CEP128: variants seen among roughly 807,000 people sequenced by gnomAD.
The protein encoded by CEP128 is centrosomal protein 128kDa.
Under a neutral mutation model 156.7 loss-of-function variants are expected in CEP128, and 132 were observed. That is an observed-to-expected ratio of 0.84 (90% confidence interval 0.73 to 0.97). The LOEUF is 0.97. Among genes scored for constraint, CEP128 ranks in the 50% least tolerant of loss-of-function variants. The pLI, the probability that CEP128 is intolerant of heterozygous loss-of-function variation, is 0.00. For missense variants in CEP128, 1,252 were observed against 1,281.9 expected, an observed-to-expected ratio of 0.98 and a Z score of 0.36; for synonymous variants, 469 against 448.9, an observed-to-expected ratio of 1.04 and a Z score of -0.57.
At position 80,784,973 on chromosome 14, in the gene CEP128, G is replaced by A. The variant is rs371329400; in HGVS notation, c.2133C>T (p.His711=). The change falls in exon 15 of 25, where the codon CAC becomes CAT. Residue 711 remains histidine (H), a synonymous_variant. Transcript: ENST00000555265. ...TCATAAGCTCCTGGATATTCTGTTC[G>A]TGTTTTGTTTTCACACTCTGCAATG... ...TSSLQSVKTK[H]EQNIQELMKH... is the part of the protein sequence containing the mutation. The A allele has an allele frequency of 3.7e-5, 60 of 1,614,014 alleles. No individual in the cohort carries two copies. Among genetic ancestry groups the A allele is most frequent in the African/African-American group, 5.3e-5 (4 of 75,030 alleles).
chr14:80,646,759 T>C (rs1894650792), intron 19 of CEP128, among the ~76,000 whole-genome samples: 1 of 151,594 alleles, frequency 6.6e-6, no homozygotes, highest in African/African-American at 2.4e-5. Context: ...CATGAATGTA[T>C]TCAACAAACT....
intron 4 of CEP128, among the ~76,000 whole-genome samples, chr14:80,913,975 T>C (rs1738809620): frequency 1.3e-5 from 2 of 152,202 alleles, no homozygotes; most frequent in Admixed American, 6.5e-5. Context: ...ATTTTTTGTT[T>C]TAACAATAAA....
At chr14:80,540,458 G>A (rs190415227) in intron 21 of CEP128, among the ~76,000 whole-genome samples, 168 of 152,308 alleles carry the variant, frequency 1.1e-3, no homozygotes, top group African/African-American at 3.9e-3. Flanking sequence ...GGCACTTTGC[G>A]GGAATGAATA....
rs1467212374 is a variant in CEP128, at chr14:80,862,787, T to C, written c.732A>G (p.Gln244=). The C allele has an allele frequency of 2.5e-6, 4 of 1,613,800 alleles. No individual in the cohort carries two copies. Among genetic ancestry groups the C allele is most frequent in the African/African-American group, 1.3e-5 (1 of 75,052 alleles). The change falls in exon 9 of 25, where the codon CAA becomes CAG. Residue 244 remains glutamine, a synonymous_variant. Coordinates refer to ENST00000555265, the MANE Select transcript of CEP128 (RefSeq NM_152446.5). ...ERELVERRQD[Q]LGLMSLQLQE... is the part of the protein sequence containing the mutation. ...GTAGCTGCAGGGACATGAGTCCCAG[T>C]TGATCCTGGCGTCTTTCCACCAGCT...
intron 2 of CEP128, among the ~76,000 whole-genome samples, chr14:80,919,265 G>A (rs137917993): frequency 8.9e-4 from 136 of 152,118 alleles, no homozygotes; most frequent in African/African-American, 2.9e-3. Flanking sequence ...CTTCTAATAC[G>A]TAGACAATTT....
At chr14:80,701,929 A>G (rs1185189996) in intron 19 of CEP128, among the ~76,000 whole-genome samples, 2 of 152,102 alleles carry the variant, frequency 1.3e-5, no homozygotes, top group Non-Finnish European at 2.9e-5. Flanking sequence ...CTCTTCTCCA[A>G]GATGTGCACA....
intron 17 of CEP128, among the ~76,000 whole-genome samples, chr14:80,760,322 C>T (rs1314470845): frequency 2.0e-5 from 3 of 151,870 alleles, no homozygotes; most frequent in Non-Finnish European, 4.4e-5. Flanking sequence ...ATCAACTCTA[C>T]CAAATTCTAT....
chr14:80,780,485 C>T (rs887017970), intron 15 of CEP128, among the ~76,000 whole-genome samples: 1 of 152,018 alleles, frequency 6.6e-6, no homozygotes, highest in South Asian at 2.1e-4. Flanking sequence ...AACTTCAATA[C>T]CACATTAGGG....
intron 19 of CEP128, among the ~76,000 whole-genome samples, chr14:80,638,728 C>T (rs1190052456): frequency 6.6e-6 from 1 of 152,140 alleles, no homozygotes; most frequent in African/African-American, 2.4e-5. Flanking sequence ...TTGGGTGAAT[C>T]ACTGAATATA....
At chr14:80,856,013 ACTT>A (rs1463057539) in intron 9 of CEP128, among the ~76,000 whole-genome samples, 5 of 152,172 alleles carry the variant, frequency 3.3e-5, no homozygotes, top group Admixed American at 2.6e-4. Flanking sequence ...ATGAATAGCT[ACTT>A]CTTCATTAGG....
intron 19 of CEP128, among the ~76,000 whole-genome samples, chr14:80,674,664 T>G (rs983385696): frequency 1.3e-5 from 2 of 151,790 alleles, no homozygotes; most frequent in Non-Finnish European, 2.9e-5. Context: ...TATATATGTA[T>G]GTATAACAGT....
chr14:80,514,996 C>T lies in CEP128; in HGVS notation c.3073-9976G>A, dbSNP rs1395242730. 4.6e-5 allele frequency among the ~76,000 whole-genome samples: 7 copies of T among 152,188 alleles called. No homozygotes were observed. The East Asian group carries it at 5.8e-4, about 13-fold the overall frequency. On this transcript the variant is annotated intron_variant, in intron 23 of 24. Transcript: ENST00000555265. Reference sequence around the variant, plus strand: ...GTCTTGCAGACTCATAGAGGTATTGCGTGGCGGTCTTGAATAAGATCCATG... The same window carrying T: ...GTCTTGCAGACTCATAGAGGTATTGTGTGGCGGTCTTGAATAAGATCCATG...
chr14:80,623,418 C>A lies in CEP128; in HGVS notation c.2807-42995G>T, dbSNP rs1893574614. Among the ~76,000 whole-genome samples the A allele has an allele frequency of 2.6e-5, 4 of 151,456 alleles. No individual in the cohort carries two copies. The South Asian group carries it at 8.4e-4, about 32-fold the overall frequency. On this transcript the variant is annotated intron_variant, in intron 19 of 24. Coordinates refer to ENST00000555265, the MANE Select transcript of CEP128 (RefSeq NM_152446.5). The stretch of plus-strand genomic sequence containing the variant: ...GGCACATGTATACATATGTAACTAA[C>A]CTGCACATTGTGCACATGTACCCTA...
intron 20 of CEP128, among the ~76,000 whole-genome samples, chr14:80,570,494 C>T (rs1256906332): frequency 1.3e-5 from 2 of 152,084 alleles, no homozygotes; most frequent in Non-Finnish European, 2.9e-5. Flanking sequence ...AAGCCAGGAA[C>T]ATAGACTTCA....
At position 80,920,801 on chromosome 14, in the gene CEP128, G is replaced by A. The variant is rs553688445; in HGVS notation, c.-15-4239C>T. 3.3e-5 allele frequency among the ~76,000 whole-genome samples: 5 copies of A among 152,294 alleles called. No individual in the cohort carries two copies. The South Asian group carries it at 1.0e-3, about 32-fold the overall frequency. ...GTCTATGGTTAGCGAGGTTGTAGGG[G>A]AAGGAGCACTCCTACACTTTCCTAA... On this transcript the variant is annotated intron_variant, in intron 2 of 24. Transcript: ENST00000555265.
chr14:80,733,706 G>C (rs1176572158), intron 19 of CEP128, among the ~76,000 whole-genome samples: 1 of 152,014 alleles, frequency 6.6e-6, no homozygotes, highest in Non-Finnish European at 1.5e-5. Context: ...ATATGTTGAT[G>C]TCCTGTATTT....
chr14:80,946,470 C>T (rs1291412910), upstream of CEP128, among the ~76,000 whole-genome samples: 1 of 151,780 alleles, frequency 6.6e-6, no homozygotes, highest in African/African-American at 2.4e-5. Context: ...CTAATGAGAT[C>T]ACCAGCCTGT....
At chr14:80,639,072 C>G (rs914526267) in intron 19 of CEP128, among the ~76,000 whole-genome samples, 2 of 151,974 alleles carry the variant, frequency 1.3e-5, no homozygotes, top group Non-Finnish European at 2.9e-5. Context: ...TAAGCAATAA[C>G]AAATCAACGG....
intron 24 of CEP128, among the ~76,000 whole-genome samples, chr14:80,503,390 T>C (rs909468095): frequency 4.6e-5 from 7 of 152,184 alleles, no homozygotes; most frequent in Non-Finnish European, 1.0e-4. Flanking sequence ...TGTTGAAACC[T>C]AAATACAGGT....
Sources: gnomAD v4.1 joint callset for allele counts (sites outside exome capture counted in the v4.1 genomes callset) on GRCh38, gnomAD v4.1.1 for gene constraint, MANE v1.5 for transcripts, NCBI Gene and HGNC (gene_info 2026-07-23, HGNC 2026-07-21) for gene names.